ATRNL1: variants seen among roughly 807,000 people sequenced by gnomAD.
ATRNL1 encodes the protein attractin-like protein 1.
A neutral mutation model predicts 182.7 loss-of-function variants in ATRNL1; 95 were observed. That is an observed-to-expected ratio of 0.52 (90% CI 0.44 to 0.62). The LOEUF is 0.62. ATRNL1 is among the 20% of genes least tolerant of loss of function. The pLI is 0.00. For synonymous variants in ATRNL1, 576 were observed against 568.3 expected (o/e 1.01, Z -0.19); for missense variants, 1,471 against 1,679.5 (o/e 0.88, Z 2.17).
At chr10:115,107,341 G>A (rs1844056911) in intron 1 of ATRNL1, among the ~76,000 whole-genome samples, 1 of 152,214 alleles carries the variant, frequency 6.6e-6, no homozygotes, top group Non-Finnish European at 1.5e-5. Flanking sequence ...AAAAAAAGGG[G>A]TAACAGGCCC....
intron 26 of ATRNL1, among the ~76,000 whole-genome samples, chr10:115,633,817 G>A (rs998420192): frequency 6.6e-6 from 1 of 152,078 alleles, no homozygotes; most frequent in Admixed American, 6.6e-5. Context: ...ATATCCTAAA[G>A]TATTTGACAC....
chr10:115,488,671 A>G (rs1849148073), intron 24 of ATRNL1, among the ~76,000 whole-genome samples: 2 of 152,082 alleles, frequency 1.3e-5, no homozygotes, highest in Non-Finnish European at 2.9e-5. Context: ...TTTTCAAAAA[A>G]CCAGCTCCTG....
At chr10:115,522,207 T>G (rs782668649) in intron 25 of ATRNL1, among the ~76,000 whole-genome samples, 2 of 152,146 alleles carry the variant, frequency 1.3e-5, no homozygotes, top group Non-Finnish European at 2.9e-5. Flanking sequence ...TAAGGCTGGG[T>G]AATTTATAAA....
chr10:115,100,727 T>G (rs1401717043), intron 1 of ATRNL1, among the ~76,000 whole-genome samples: 2 of 152,198 alleles, frequency 1.3e-5, no homozygotes, highest in African/African-American at 4.8e-5. Context: ...CTGAGTCCTT[T>G]GTATTTCCAT....
chr10:115,784,361 A>G (rs782313459), intron 27 of ATRNL1, among the ~76,000 whole-genome samples: 3 of 152,222 alleles, frequency 2.0e-5, no homozygotes, highest in South Asian at 4.1e-4. Context: ...TCAATAAAAC[A>G]TGATAATTCC....
chr10:115,493,656 G>A (rs1554977312), intron 24 of ATRNL1, among the ~76,000 whole-genome samples: 2 of 152,166 alleles, frequency 1.3e-5, no homozygotes, highest in African/African-American at 2.4e-5. Flanking sequence ...GGGTTGAATG[G>A]TAGTTCTGTT....
intron 28 of ATRNL1, among the ~76,000 whole-genome samples, chr10:115,921,330 T>C (rs1555118708): frequency 5.9e-5 from 1 of 16,926 alleles, no homozygotes; most frequent in African/African-American, 8.0e-5. Flanking sequence ...TAAGCAGTGT[T>C]TTTTTGTCTC....
rs140590530 is a variant in ATRNL1, at chr10:115,375,849, C to T, written c.3176-18810C>T. ...CTTTTTTCTTTTAAATTTTATACTA[C>T]AGCTAAAAGTGATTTATATACCACT... On this transcript the variant is annotated intron_variant, in intron 19 of 28. Transcript: ENST00000355044. Among the ~76,000 whole-genome samples, 84 of 152,162 alleles carry T rather than the reference C, an allele frequency of 5.5e-4. 1 individual carries two copies. The East Asian group carries it at 0.015, about 27-fold the overall frequency.
chr10:115,807,235 C>T (rs955595178), intron 27 of ATRNL1, among the ~76,000 whole-genome samples: 2 of 152,002 alleles, frequency 1.3e-5, no homozygotes, highest in Non-Finnish European at 2.9e-5. Context: ...CATACCTCAG[C>T]CTCCCGAGTA....
In ATRNL1 at chr10:115,704,199, T is replaced by C. The variant is rs373746071; in HGVS notation, c.3796-23049T>C. ...GGGTTGTTTCCTTCTGAGAGCTGTG[T>C]GTGCCTCTTCCTAGCTTCTGGTGGG... On this transcript the variant is annotated intron_variant, in intron 26 of 28. Coordinates refer to ENST00000355044, the MANE Select transcript of ATRNL1 (RefSeq NM_207303.4). Among the ~76,000 whole-genome samples the C allele has an allele frequency of 4.6e-5, 7 of 152,076 alleles. 1 individual carries two copies. The highest frequency in any genetic ancestry group is 1.7e-4 in the African/African-American group (7 of 41,550).
chr10:115,743,287 C>T (rs1948193436), intron 27 of ATRNL1, among the ~76,000 whole-genome samples: 1 of 149,282 alleles, frequency 6.7e-6, no homozygotes, highest in Admixed American at 6.7e-5. Context: ...ACTATATACC[C>T]TACATGGATC....
At chr10:115,732,817 G>A (rs1593140894) in intron 27 of ATRNL1, among the ~76,000 whole-genome samples, 1 of 152,064 alleles carries the variant, frequency 6.6e-6, no homozygotes, top group East Asian at 1.9e-4. Flanking sequence ...TTTTTTGTAA[G>A]GAATAGAGTT....
chr10:115,511,240 G>T (rs1554982613), intron 24 of ATRNL1, among the ~76,000 whole-genome samples: 2 of 151,798 alleles, frequency 1.3e-5, no homozygotes. Flanking sequence ...ATATGGAATA[G>T]ATTTCATCGT....
chr10:115,846,085 G>GTCTGTTAAA (rs1235393522), intron 27 of ATRNL1, among the ~76,000 whole-genome samples: 2 of 151,938 alleles, frequency 1.3e-5, no homozygotes, highest in African/African-American at 4.8e-5. Flanking sequence ...TCAAAAATAA[G>GTCTGTTAAA]TCTGTTAAAT....
chr10:115,426,959 A>G (rs1554963043), intron 21 of ATRNL1, among the ~76,000 whole-genome samples: 3 of 152,198 alleles, frequency 2.0e-5, no homozygotes, highest in Middle Eastern at 6.8e-3. Flanking sequence ...TCCTGACCTC[A>G]TGATCCGCCC....
chr10:115,483,667 G>A (rs934797080), intron 24 of ATRNL1, among the ~76,000 whole-genome samples: 4 of 151,276 alleles, frequency 2.6e-5, no homozygotes, highest in East Asian at 1.9e-4. Flanking sequence ...AGAAGAAATC[G>A]TGTAATTATA....
At chr10:115,532,969 T>C (rs10444102) in intron 25 of ATRNL1, among the ~76,000 whole-genome samples, 53,045 of 149,698 alleles carry the variant, frequency 0.35, 11,008 homozygotes, top group Non-Finnish European at 0.48. Flanking sequence ...GAAGCCCACT[T>C]GATCATGGTG....
At chr10:115,283,116 T>C (rs945945527) in intron 14 of ATRNL1, among the ~76,000 whole-genome samples, 1 of 152,094 alleles carries the variant, frequency 6.6e-6, no homozygotes, top group Non-Finnish European at 1.5e-5. Flanking sequence ...TATTCTGCCT[T>C]TAAAAATGCC....
chr10:115,146,607 G>C (rs1381367574), intron 5 of ATRNL1, among the ~76,000 whole-genome samples: 8 of 151,884 alleles, frequency 5.3e-5, no homozygotes, highest in South Asian at 2.1e-4. Context: ...GCCAATGTCT[G>C]TCCTCCCCCA....
Sources: allele counts gnomAD v4.1 joint callset (sites outside exome capture counted in the v4.1 genomes callset), GRCh38; gene constraint gnomAD v4.1.1; transcripts MANE v1.5; gene names NCBI Gene and HGNC (gene_info 2026-07-23, HGNC 2026-07-21).